The following TRERF1 variants were observed in gnomAD, a reference collection of about 807,000 sequenced individuals.
TRERF1 encodes transcriptional-regulating factor 1.
A neutral mutation model predicts 122.9 loss-of-function variants in TRERF1; 27 were observed. That is an observed-to-expected ratio of 0.22 (90% confidence interval 0.16 to 0.30). TRERF1 has a LOEUF of 0.30. Ranked by LOEUF, TRERF1 falls within the 10% of genes least tolerant of loss-of-function variation. TRERF1 has a pLI of 1.00. For missense variants in TRERF1, 1,248 were observed against 1,560.3 expected (o/e 0.80, Z 3.37); for synonymous variants, 636 against 641.7 (o/e 0.99, Z 0.13).
chr6:42,426,459 G>C (rs1306252630), intron 2 of TRERF1, among the ~76,000 whole-genome samples: 1 of 152,188 alleles, frequency 6.6e-6, no homozygotes, highest in East Asian at 1.9e-4. Context: ...AAGTTACCTA[G>C]ATTTCCAATG....
At chr6:42,311,765 C>CAAAAAAA (rs10530333) in intron 3 of TRERF1, among the ~76,000 whole-genome samples, 2 of 34,572 alleles carry the variant, frequency 5.8e-5, no homozygotes, top group Admixed American at 3.2e-4. Flanking sequence ...GACTCCGTCT[C>CAAAAAAA]AAAAAAAAAA....
intron 5 of TRERF1, among the ~76,000 whole-genome samples, chr6:42,267,146 G>A (rs1779349383): frequency 6.6e-6 from 1 of 152,114 alleles, no homozygotes. Flanking sequence ...GCAACATAGG[G>A]AGACCTGTCT....
Position 42,232,899 on chromosome 6 carries a change from A to G in TRERF1, c.3067-7T>C. ...CCTGTCGGGAGCTGAACACCTGGGGAAGAAAGGGAGTGACATGACATCTAC... is the reference window on the plus strand; with the variant it reads ...CCTGTCGGGAGCTGAACACCTGGGGGAGAAAGGGAGTGACATGACATCTAC... On this transcript the variant is annotated splice_region_variant and splice_polypyrimidine_tract_variant and intron_variant, in intron 16 of 17. Coordinates refer to ENST00000372922, the Ensembl canonical transcript of TRERF1. The surrounding 1 kb of genome is among the most constrained non-coding windows in gnomAD (Gnocchi z 4.5). The G allele has an allele frequency of 6.3e-7, 1 of 1,589,190 alleles. No homozygotes were observed. The highest frequency in any genetic ancestry group is 8.6e-7 in the Non-Finnish European group (1 of 1,165,952).
intron 2 of TRERF1, among the ~76,000 whole-genome samples, chr6:42,368,856 T>C (rs571579120): frequency 6.6e-6 from 1 of 152,308 alleles, no homozygotes; most frequent in South Asian, 2.1e-4. Context: ...GACTTCTTGG[T>C]ATGTAAGAAG....
intron 3 of TRERF1, among the ~76,000 whole-genome samples, chr6:42,329,457 T>C (rs764472744): frequency 4.6e-5 from 7 of 152,102 alleles, no homozygotes; most frequent in Non-Finnish European, 8.8e-5. Context: ...GGGGACTGCC[T>C]CTTCCCCAGG....
At chr6:42,384,355 T>C (rs1776439405) in intron 2 of TRERF1, among the ~76,000 whole-genome samples, 1 of 152,242 alleles carries the variant, frequency 6.6e-6, no homozygotes, top group Non-Finnish European at 1.5e-5. Context: ...TATGGAATAA[T>C]TTTCAATGTA....
At chr6:42,302,904 T>C (rs1203007386) in intron 3 of TRERF1, among the ~76,000 whole-genome samples, 4 of 152,244 alleles carry the variant, frequency 2.6e-5, no homozygotes, top group Non-Finnish European at 5.9e-5. Flanking sequence ...GCTTGTCTTA[T>C]GGGCAAGAGT....
intron 2 of TRERF1, among the ~76,000 whole-genome samples, chr6:42,368,927 T>C (rs949059800): frequency 3.9e-5 from 6 of 152,222 alleles, no homozygotes; most frequent in East Asian, 1.9e-4. Flanking sequence ...ATACAGAGAA[T>C]AGTAACATTT....
chr6:42,316,481 G>A (rs1171641229), intron 3 of TRERF1, among the ~76,000 whole-genome samples: 1 of 152,146 alleles, frequency 6.6e-6, no homozygotes, highest in Admixed American at 6.5e-5. Context: ...GTGTGCACAA[G>A]CAGGCAGACA....
intron 3 of TRERF1, among the ~76,000 whole-genome samples, chr6:42,347,417 G>A (rs1464959263): frequency 6.6e-6 from 1 of 152,198 alleles, no homozygotes; most frequent in African/African-American, 2.4e-5. Flanking sequence ...TCAGTTGATG[G>A]GGAGAGGGAG....
At position 42,268,532 on chromosome 6, in the gene TRERF1, C is replaced by A. The variant is rs747991805; in HGVS notation, c.1059G>T (p.Arg353Ser). 1.9e-6 allele frequency: 3 copies of A among 1,613,994 alleles called. No individual in the cohort carries two copies. Among genetic ancestry groups the A allele is most frequent in the Non-Finnish European group, 2.5e-6 (3 of 1,179,988 alleles). The stretch of plus-strand genomic sequence containing the variant: ...GCTCTGGGGTATACTGGTGAGGGTC[C>A]CTGTGATAAGAAGGAGGCTGCAGGT... Residue 353 changes from arginine to serine, a missense_variant, in exon 5 of 18, where the codon AGG (arginine) becomes AGT (serine). Coordinates refer to ENST00000372922, the Ensembl canonical transcript of TRERF1. The surrounding 1 kb of genome is among the most constrained non-coding windows in gnomAD (Gnocchi z 4.4).
At chr6:42,410,127 CCTTG>C (rs1313722526) in intron 2 of TRERF1, among the ~76,000 whole-genome samples, 1 of 152,072 alleles carries the variant, frequency 6.6e-6, no homozygotes, top group Non-Finnish European at 1.5e-5. Flanking sequence ...CTGAGACGAG[CCTTG>C]CTTGGTGATA....
intron 15 of TRERF1, among the ~76,000 whole-genome samples, chr6:42,242,465 T>C (rs1000298216): frequency 6.6e-6 from 1 of 152,242 alleles, no homozygotes; most frequent in Non-Finnish European, 1.5e-5. Flanking sequence ...AGTTTAGTAA[T>C]GTCAGACATA....
chr6:42,232,854 G>A lies in TRERF1; in HGVS notation c.3105C>T (p.Arg1035=), dbSNP rs1235702171. 6.2e-7 allele frequency: 1 copy of A among 1,610,356 alleles called. No homozygotes were observed. Among genetic ancestry groups the A allele is most frequent in the Non-Finnish European group, 8.5e-7 (1 of 1,178,308 alleles). ...TCACCTGGTTGGTGCCCCCGTGGAT[G>A]CGGGCATGGCCATTCAGTGCCTGTC... Residue 1035 remains arginine (R), a synonymous_variant, in exon 17 of 18, where the codon CGC becomes CGT. Coordinates refer to ENST00000372922, the Ensembl canonical transcript of TRERF1. The surrounding 1 kb of genome is among the most constrained non-coding windows in gnomAD (Gnocchi z 4.5).
intron 3 of TRERF1, among the ~76,000 whole-genome samples, chr6:42,334,161 TAAAAC>T (rs137966557): frequency 0.039 from 5,985 of 151,940 alleles, 268 homozygotes; most frequent in East Asian, 0.22. Flanking sequence ...AATCTAAAAA[TAAAAC>T]AAAGAAAACT....
At chr6:42,334,853 G>A (rs1338998678) in intron 3 of TRERF1, among the ~76,000 whole-genome samples, 1 of 152,234 alleles carries the variant, frequency 6.6e-6, no homozygotes, top group Non-Finnish European at 1.5e-5. Context: ...CTTGAGTGAG[G>A]CATCGGGGAC....
chr6:42,387,973 AATTTTTAC>A (rs1395201691), intron 2 of TRERF1, among the ~76,000 whole-genome samples: 1 of 152,012 alleles, frequency 6.6e-6, no homozygotes, highest in Non-Finnish European at 1.5e-5. Flanking sequence ...ACGCTTGGCT[AATTTTTAC>A]ATTTTTAGTA....
intron 1 of TRERF1, among the ~76,000 whole-genome samples, chr6:42,451,819 C>T (rs896741480): frequency 3.3e-5 from 5 of 152,164 alleles, no homozygotes; most frequent in African/African-American, 1.2e-4. Context: ...TTCTCCCTCC[C>T]CAGTGGAAAT....
At chr6:42,428,677 G>A in intron 2 of TRERF1, among the ~76,000 whole-genome samples, 1 of 152,210 alleles carries the variant, frequency 6.6e-6, no homozygotes, top group East Asian at 1.9e-4. Context: ...AACTCCAAAG[G>A]AGATTAACAG....
Sources: gnomAD v4.1 joint callset for allele counts (sites outside exome capture counted in the v4.1 genomes callset) on GRCh38, gnomAD v4.1.1 for gene constraint, Gnocchi (gnomAD v3.1) non-coding constraint, MANE v1.5 for transcripts, NCBI Gene and HGNC (gene_info 2026-07-23, HGNC 2026-07-21) for gene names.